The following COG5 variants were observed in gnomAD, a reference collection of about 807,000 sequenced individuals.
The protein encoded by COG5 is component of oligomeric golgi complex 5.
COG5 carries 86 observed loss-of-function variants against 110.4 expected under a neutral mutation model. That is an observed-to-expected ratio of 0.78 (90% CI 0.65 to 0.93). The LOEUF (loss-of-function observed/expected upper bound fraction) is 0.93. Among genes scored for constraint, COG5 ranks in the 40% least tolerant of loss-of-function variants. The pLI is 0.00. For synonymous variants in COG5, 360 were observed against 334.6 expected, an observed-to-expected ratio of 1.08 and a Z score of -0.83; for missense variants, 1,077 against 987.0, an observed-to-expected ratio of 1.09 and a Z score of -1.22.
At chr7:107,204,554 A>G (rs546889540) in intron 21 of COG5, among the ~76,000 whole-genome samples, 8 of 152,364 alleles carry the variant, frequency 5.3e-5, no homozygotes, top group South Asian at 4.1e-4. Flanking sequence ...GAGCATTTGT[A>G]TAAAGATGTA....
At chr7:107,359,326 C>A (rs1389961351) in intron 10 of COG5, among the ~76,000 whole-genome samples, 1 of 152,214 alleles carries the variant, frequency 6.6e-6, no homozygotes, top group Non-Finnish European at 1.5e-5. Context: ...AGCACACCAG[C>A]CCTCTGCCAC....
chr7:107,432,526 C>T lies in COG5; in HGVS notation c.539-19894G>A, dbSNP rs2129080659. On this transcript the variant is annotated intron_variant, in intron 6 of 21. Transcript: ENST00000297135. Reference sequence around the variant, plus strand: ...CATAAGTACAGACCACAGGAAAATACCATAATGCTTAAAAACTCAAATGCA... The same window carrying T: ...CATAAGTACAGACCACAGGAAAATATCATAATGCTTAAAAACTCAAATGCA... Among the ~76,000 whole-genome samples, 2 of 152,174 alleles carry T rather than the reference C, an allele frequency of 1.3e-5. 1 individual carries two copies. Among genetic ancestry groups the T allele is most frequent in the Middle Eastern group, 6.8e-3 (2 of 294 alleles).
At chr7:107,282,607 C>T (rs558537729) in intron 13 of COG5, among the ~76,000 whole-genome samples, 3 of 152,214 alleles carry the variant, frequency 2.0e-5, no homozygotes, top group East Asian at 1.9e-4. Context: ...CTGCAGCCTT[C>T]GCCTCCCGGA....
At chr7:107,549,526 G>C (rs1399602003) in intron 3 of COG5, among the ~76,000 whole-genome samples, 1 of 151,494 alleles carries the variant, frequency 6.6e-6, no homozygotes, top group African/African-American at 2.4e-5. Flanking sequence ...CGAGTGGCTG[G>C]GATTACAGGC....
At chr7:107,507,673 C>T (rs979309073) in intron 6 of COG5, among the ~76,000 whole-genome samples, 3 of 151,082 alleles carry the variant, frequency 2.0e-5, no homozygotes, top group Non-Finnish European at 2.9e-5. Context: ...ACATTAATTA[C>T]TTCAGTAATT....
rs1305002674 is a variant in COG5 at position 107,210,643 on chromosome 7, C to T, written c.2296-38G>A. ...AACACAATTAGAGAGAGTGCATACG[C>T]ATTCTTTAGTAAATGGCAGCAAGTG... On this transcript the variant is annotated intron_variant, in intron 20 of 21. Coordinates refer to ENST00000297135, the MANE Select transcript of COG5 (RefSeq NM_006348.5). 5 of 1,562,096 alleles carry T rather than the reference C, an allele frequency of 3.2e-6. No homozygotes were observed. The African/African-American group carries it at 6.7e-5, about 21-fold the overall frequency.
intron 10 of COG5, among the ~76,000 whole-genome samples, chr7:107,355,241 G>T (rs868591784): frequency 6.6e-6 from 1 of 152,078 alleles, no homozygotes; most frequent in South Asian, 2.1e-4. Context: ...TAGAATAGCC[G>T]ATCTCCAAAA....
intron 7 of COG5, among the ~76,000 whole-genome samples, chr7:107,402,938 G>A (rs1224021109): frequency 2.0e-5 from 3 of 151,996 alleles, no homozygotes; most frequent in Admixed American, 6.6e-5. Context: ...TGTATTTTTC[G>A]TGTAGAAAGA....
chr7:107,306,417 T>C (rs1367177141), intron 11 of COG5, among the ~76,000 whole-genome samples: 1 of 152,174 alleles, frequency 6.6e-6, no homozygotes, highest in Admixed American at 6.5e-5. Context: ...TTTTCTTTAA[T>C]TATAGTTCAG....
intron 16 of COG5, among the ~76,000 whole-genome samples, chr7:107,252,403 A>G (rs937743720): frequency 1.3e-5 from 2 of 152,232 alleles, no homozygotes; most frequent in African/African-American, 2.4e-5. Context: ...ATGTGTAGTT[A>G]TAAGCCTTTC....
chr7:107,474,379 C>T lies in COG5; in HGVS notation c.538+52858G>A, dbSNP rs374998885. The T allele has an allele frequency of 7.4e-6, 12 of 1,612,048 alleles. No individual in the cohort carries two copies. The highest frequency in any genetic ancestry group is 4.0e-5 in the African/African-American group (3 of 74,954). The stretch of plus-strand genomic sequence containing the variant: ...AACTATAGTTATCCTTCTGCTTTCA[C>T]TGGAGAGTAACACTGCTCTCATTTG... On this transcript the variant is annotated intron_variant, in intron 6 of 21. Transcript: ENST00000297135. This position sits in a 1 kb window ranked among gnomAD's most constrained non-coding sequence, Gnocchi z 5.7.
intron 16 of COG5, among the ~76,000 whole-genome samples, chr7:107,249,734 GTGTGTA>G (rs1321306279): frequency 9.1e-4 from 126 of 138,040 alleles, no homozygotes; most frequent in Non-Finnish European, 1.6e-3. Flanking sequence ...GTGTGTGTGT[GTGTGTA>G]TACATATAGT....
intron 7 of COG5, among the ~76,000 whole-genome samples, chr7:107,389,444 G>A: frequency 6.6e-6 from 1 of 152,166 alleles, no homozygotes; most frequent in Non-Finnish European, 1.5e-5. Context: ...GCACAATTAT[G>A]GCTAAATCAT....
At chr7:107,473,832 T>G (rs1382620860) in intron 6 of COG5, among the ~76,000 whole-genome samples, 1 of 151,990 alleles carries the variant, frequency 6.6e-6, no homozygotes, top group African/African-American at 2.4e-5. Flanking sequence ...CATAGTTATT[T>G]CTTCAAAAGG....
chr7:107,554,167 G>T, intron 3 of COG5, 118 bp downstream of exon 3: 1 of 803,980 alleles, frequency 1.2e-6, no homozygotes. Flanking sequence ...TTTAGTAGTT[G>T]CAACAGAGAC....
At chr7:107,269,002 A>G (rs1004897005) in intron 14 of COG5, among the ~76,000 whole-genome samples, 5 of 151,956 alleles carry the variant, frequency 3.3e-5, no homozygotes, top group African/African-American at 1.2e-4. Flanking sequence ...TTATTTTACT[A>G]CCTTATTATA....
At chr7:107,442,013 A>G (rs1794732262) in intron 6 of COG5, among the ~76,000 whole-genome samples, 1 of 152,334 alleles carries the variant, frequency 6.6e-6, no homozygotes, top group South Asian at 2.1e-4. Flanking sequence ...AATCTTACAC[A>G]ATTTCAAGAA....
chr7:107,370,295 T>C lies in COG5; in HGVS notation c.835+2300A>G, dbSNP rs533565785. ...TATTATTTTTAAAATTTTGAAATAA[T>C]CTTACACTTATAAAAAAATTGTAAG... On this transcript the variant is annotated intron_variant, in intron 8 of 21. Coordinates refer to ENST00000297135, the MANE Select transcript of COG5 (RefSeq NM_006348.5). Among the ~76,000 whole-genome samples the C allele has an allele frequency of 4.6e-5, 7 of 152,186 alleles. No homozygotes were observed. The East Asian group carries it at 1.3e-3, about 29-fold the overall frequency.
intron 10 of COG5, among the ~76,000 whole-genome samples, chr7:107,358,360 G>A (rs1474455005): frequency 6.6e-6 from 1 of 152,156 alleles, no homozygotes; most frequent in Admixed American, 6.5e-5. Context: ...CTGTAAATAT[G>A]AAGGCCCAAT....
Sources: allele counts gnomAD v4.1 joint callset (sites outside exome capture counted in the v4.1 genomes callset), GRCh38; gene constraint gnomAD v4.1.1; non-coding constraint Gnocchi (gnomAD v3.1); transcripts MANE v1.5; gene names NCBI Gene and HGNC (gene_info 2026-07-23, HGNC 2026-07-21).